The following SULT1B1 variants were observed in gnomAD, a reference collection of about 807,000 sequenced individuals.
SULT1B1 encodes the protein sulfotransferase 1B1.
In SULT1B1, 28 loss-of-function variants were observed where a neutral mutation model predicts 34.6. The observed-to-expected ratio is 0.81, with a 90% CI of 0.60 to 1.11. The LOEUF (loss-of-function observed/expected upper bound fraction) is 1.11. Among genes scored for constraint, SULT1B1 ranks in the 50% least tolerant of loss-of-function variants. The pLI is 0.00. For synonymous variants in SULT1B1, 147 were observed against 110.2 expected (o/e 1.33, Z -2.09); for missense variants, 374 against 352.2 (o/e 1.06, Z -0.50).
At position 69,725,559 on chromosome 4, in the gene SULT1B1, G is replaced by A. The variant is rs1043770700; in HGVS notation, c.*1529C>T. On this transcript the variant is annotated 3_prime_UTR_variant, in exon 8 of 8. Coordinates refer to ENST00000310613, the MANE Select transcript of SULT1B1 (RefSeq NM_014465.4). Reference sequence around the variant, plus strand: ...GGATTATAAATCATGCTGCTATAAAGACACATGCACACGTATATTTATTGC... The same window carrying A: ...GGATTATAAATCATGCTGCTATAAAAACACATGCACACGTATATTTATTGC... 6.6e-6 allele frequency: 1 copy of A among 152,066 alleles called. No homozygotes were observed. The highest frequency in any genetic ancestry group is 2.1e-4 in the South Asian group (1 of 4,824). 9.4% of individuals were successfully genotyped at this position (152,066 alleles called of 1,614,324 possible). A position where few individuals can be genotyped will look rare whatever the true frequency, so the allele number is the denominator to read the frequency against.
At position 69,721,250 on chromosome 4, in the gene SULT1B1, G is replaced by A. The variant is rs1188047145; in HGVS notation, c.*5838C>T. 1 of 152,072 alleles carries A rather than the reference G, an allele frequency of 6.6e-6. No homozygotes were observed. The highest frequency in any genetic ancestry group is 1.5e-5 in the Non-Finnish European group (1 of 67,994). 9.4% of individuals were successfully genotyped at this position (152,072 alleles called of 1,614,324 possible). A position where few individuals can be genotyped will look rare whatever the true frequency, so the allele number is the denominator to read the frequency against. Reference sequence around the variant, plus strand: ...CTGCTGAAAGTAATGTCTCGATAATGTGGAAATTTTACATATATATATAAA... The same window carrying A: ...CTGCTGAAAGTAATGTCTCGATAATATGGAAATTTTACATATATATATAAA... On this transcript the variant is annotated 3_prime_UTR_variant, in exon 8 of 8. Transcript: ENST00000310613.
chr4:69,742,105 C>T (rs968406195), intron 4 of SULT1B1, among the ~76,000 whole-genome samples: 1 of 152,068 alleles, frequency 6.6e-6, no homozygotes, highest in Non-Finnish European at 1.5e-5. Context: ...TTATCAAAAG[C>T]CTTTTTCTAA....
At chr4:69,742,671 G>A (rs1043103204) in intron 4 of SULT1B1, among the ~76,000 whole-genome samples, 13 of 152,208 alleles carry the variant, frequency 8.5e-5, no homozygotes, top group African/African-American at 3.1e-4. Context: ...TCCAAGGTTT[G>A]CTCTGGCCCT....
At chr4:69,731,766 C>CT (rs1718089614) in intron 6 of SULT1B1, among the ~76,000 whole-genome samples, 1 of 152,048 alleles carries the variant, frequency 6.6e-6, no homozygotes, top group African/African-American at 2.4e-5. Context: ...TATGGATATG[C>CT]TTAAAAAGGT....
chr4:69,748,724 A>G (rs966461521), intron 4 of SULT1B1, among the ~76,000 whole-genome samples: 3 of 152,198 alleles, frequency 2.0e-5, no homozygotes, highest in African/African-American at 4.8e-5. Flanking sequence ...AAAATCCTCA[A>G]ACACTTAGAA....
intron 1 of SULT1B1, among the ~76,000 whole-genome samples, chr4:69,756,565 T>A (rs1719200665): frequency 1.3e-5 from 2 of 152,192 alleles, no homozygotes; most frequent in South Asian, 4.1e-4. Context: ...TTCTACCTAA[T>A]TGCCTTTGAG....
chr4:69,726,362 C>A lies in SULT1B1; in HGVS notation c.*726G>T, dbSNP rs772246891. The stretch of plus-strand genomic sequence containing the variant: ...GTAGGTGATTTCTCTGAAGTTCAAA[C>A]GGGTCTGTTGGGAAAAAGAGGACTC... On this transcript the variant is annotated 3_prime_UTR_variant, in exon 8 of 8. Coordinates refer to ENST00000310613, the MANE Select transcript of SULT1B1 (RefSeq NM_014465.4). 6.6e-5 allele frequency: 10 copies of A among 151,576 alleles called. No individual in the cohort carries two copies. Among genetic ancestry groups the A allele is most frequent in the South Asian group, 6.2e-4 (3 of 4,822 alleles). The allele number at this position is 151,576 out of a possible 1,614,324, so 9.4% of individuals were successfully genotyped here. A position where few individuals can be genotyped will look rare whatever the true frequency, so the allele number is the denominator to read the frequency against.
At position 69,722,854 on chromosome 4, in the gene SULT1B1, C is replaced by T. The variant is rs1717698835; in HGVS notation, c.*4234G>A. 1 of 152,026 alleles carries T rather than the reference C, an allele frequency of 6.6e-6. No individual in the cohort carries two copies. Among genetic ancestry groups the T allele is most frequent in the African/African-American group, 2.4e-5 (1 of 41,378 alleles). 9.4% of individuals were successfully genotyped at this position (152,026 alleles called of 1,614,324 possible). ...AGTCTAACAGTATGTCCAAAACCAC[C>T]ACCCCCACCCCTTTCAGAACAAGTA... On this transcript the variant is annotated 3_prime_UTR_variant, in exon 8 of 8. Transcript: ENST00000310613.
At chr4:69,744,196 C>G (rs74879800) in intron 4 of SULT1B1, among the ~76,000 whole-genome samples, 1 of 151,976 alleles carries the variant, frequency 6.6e-6, no homozygotes, top group Non-Finnish European at 1.5e-5. Context: ...GGCCTCATTG[C>G]GGTAGCAGGG....
intron 6 of SULT1B1, 69 bp from the exon 7 acceptor site, chr4:69,730,750 A>C: frequency 7.1e-7 from 1 of 1,413,746 alleles, no homozygotes; most frequent in Non-Finnish European, 9.6e-7. Flanking sequence ...TAAAACATTT[A>C]TAATCCGTTT....
At chr4:69,746,011 T>C (rs1480144470) in intron 4 of SULT1B1, among the ~76,000 whole-genome samples, 1 of 152,190 alleles carries the variant, frequency 6.6e-6, no homozygotes, top group African/African-American at 2.4e-5. Flanking sequence ...TTTCCTTTCT[T>C]TAGGAATACA....
rs1177149614 is a variant in SULT1B1, at chr4:69,726,399, T to C, written c.*689A>G. 1 of 151,730 alleles carries C rather than the reference T, an allele frequency of 6.6e-6. No individual in the cohort carries two copies. The highest frequency in any genetic ancestry group is 1.5e-5 in the Non-Finnish European group (1 of 67,916). 9.4% of individuals were successfully genotyped at this position (151,730 alleles called of 1,614,324 possible). On this transcript the variant is annotated 3_prime_UTR_variant, in exon 8 of 8. Coordinates refer to ENST00000310613, the MANE Select transcript of SULT1B1 (RefSeq NM_014465.4). ...GAAAAAGAGGACTCCCCATAAGAAGTAGGTCACAGCCCTCAGGGCTGCTTT... is the reference window on the plus strand; with the variant it reads ...GAAAAAGAGGACTCCCCATAAGAAGCAGGTCACAGCCCTCAGGGCTGCTTT...
rs1418821004 is a variant in SULT1B1, at chr4:69,721,859, C to T, written c.*5229G>A. 1 of 152,024 alleles carries T rather than the reference C, an allele frequency of 6.6e-6. No homozygotes were observed. Among genetic ancestry groups the T allele is most frequent in the Non-Finnish European group, 1.5e-5 (1 of 67,964 alleles). The allele number at this position is 152,024 out of a possible 1,614,324, so 9.4% of individuals were successfully genotyped here. On this transcript the variant is annotated 3_prime_UTR_variant, in exon 8 of 8. Transcript: ENST00000310613. ...TTGTCAGATATTTGTTATCACTGTC[C>T]TTACATCATGGTTCTGTTAGAGAAA...
In SULT1B1 at chr4:69,725,523, A is replaced by G. The variant is rs571565102; in HGVS notation, c.*1565T>C. 6.6e-5 allele frequency: 10 copies of G among 152,216 alleles called. No homozygotes were observed. Among genetic ancestry groups the G allele is most frequent in the Non-Finnish European group, 1.3e-4 (9 of 68,032 alleles). The allele number at this position is 152,216 out of a possible 1,614,324, so 9.4% of individuals were successfully genotyped here. ...TGACCCAGCCATCCCATTACTGGGT[A>G]TATACCCAAAGGATTATAAATCATG... On this transcript the variant is annotated 3_prime_UTR_variant, in exon 8 of 8. Transcript: ENST00000310613.
Position 69,726,994 on chromosome 4 carries a change from A to G in SULT1B1, c.*94T>C, listed in dbSNP as rs1381998774. 2 of 799,960 alleles carry G rather than the reference A, an allele frequency of 2.5e-6. No homozygotes were observed. Among genetic ancestry groups the G allele is most frequent in the Non-Finnish European group, 3.8e-6 (2 of 525,852 alleles). The allele number at this position is 799,960 out of a possible 1,614,324, so 49.6% of individuals were successfully genotyped here. ...TAAAAGCATATTATTCTCCTTTATA[A>G]ATTCATTTGATTGCCCAAATCAATT... is the stretch of plus-strand genomic sequence containing the variant. On this transcript the variant is annotated 3_prime_UTR_variant, in exon 8 of 8. Coordinates refer to ENST00000310613, the MANE Select transcript of SULT1B1 (RefSeq NM_014465.4).
At chr4:69,733,586 A>G in intron 5 of SULT1B1, 79 bp from the exon 6 acceptor site, 1 of 1,104,030 alleles carries the variant, frequency 9.1e-7, no homozygotes, top group Non-Finnish European at 1.3e-6. Flanking sequence ...TCAAATTGTG[A>G]AAACATTTTG....
At chr4:69,746,470 C>A (rs1014843626) in intron 4 of SULT1B1, among the ~76,000 whole-genome samples, 1 of 152,068 alleles carries the variant, frequency 6.6e-6, no homozygotes, top group African/African-American at 2.4e-5. Flanking sequence ...CTCTGATATT[C>A]TTTTCTCAGC....
chr4:69,737,766 CAAGGA>C, intron 4 of SULT1B1, among the ~76,000 whole-genome samples: 1 of 151,662 alleles, frequency 6.6e-6, no homozygotes, highest in East Asian at 1.9e-4. Flanking sequence ...TAGGTACAAC[CAAGGA>C]AAGGAAGAAA....
At chr4:69,733,133 CTG>C (rs1718149436) in intron 6 of SULT1B1, among the ~76,000 whole-genome samples, 1 of 151,984 alleles carries the variant, frequency 6.6e-6, no homozygotes, top group African/African-American at 2.4e-5. Context: ...CTAAGGATAA[CTG>C]TAAGCATGTG....
Sources: allele counts gnomAD v4.1 joint callset (sites outside exome capture counted in the v4.1 genomes callset), GRCh38; gene constraint gnomAD v4.1.1; transcripts MANE v1.5; gene names NCBI Gene and HGNC (gene_info 2026-07-23, HGNC 2026-07-21).